The following NFXL1 variants were observed in gnomAD, a reference collection of about 807,000 sequenced individuals.
The protein encoded by NFXL1 is NF-X1-type zinc finger protein NFXL1.
In NFXL1, 66 loss-of-function variants were observed where a neutral mutation model predicts 123.3. The ratio of observed to expected loss-of-function variants is 0.54; its 90% CI spans 0.44 to 0.66. NFXL1 has a LOEUF of 0.66. Among genes scored for constraint, NFXL1 ranks in the 30% least tolerant of loss-of-function variants. NFXL1 has a pLI of 0.00. For missense variants in NFXL1, 944 were observed against 1,125.6 expected, an observed-to-expected ratio of 0.84 and a Z score of 2.31; for synonymous variants, 346 against 360.8, an observed-to-expected ratio of 0.96 and a Z score of 0.46.
At chr4:47,862,976 A>G (rs986104359) in intron 18 of NFXL1, 61 bp from the exon 19 acceptor site, 1 of 854,158 alleles carries the variant, frequency 1.2e-6, no homozygotes, top group African/African-American at 1.7e-5. Flanking sequence ...TAATTTTTCT[A>G]AAAATAACTC....
intron 5 of NFXL1, among the ~76,000 whole-genome samples, chr4:47,900,098 T>C (rs1166725105): frequency 6.6e-6 from 1 of 152,180 alleles, no homozygotes; most frequent in East Asian, 1.9e-4. Flanking sequence ...AGTCAGGGTA[T>C]AGACATGCAA....
intron 15 of NFXL1, among the ~76,000 whole-genome samples, chr4:47,883,233 T>A: frequency 6.6e-6 from 1 of 151,292 alleles, no homozygotes. Context: ...TGACGGAGAC[T>A]CCGTCTCAAA....
chr4:47,878,117 A>ACAT (rs1217557628), intron 17 of NFXL1, among the ~76,000 whole-genome samples: 1 of 152,100 alleles, frequency 6.6e-6, no homozygotes, highest in African/African-American at 2.4e-5. Flanking sequence ...AAAATTATGA[A>ACAT]CATCATCCAT....
At chr4:47,889,399 T>C (rs901703368) in intron 12 of NFXL1, among the ~76,000 whole-genome samples, 18 of 152,212 alleles carry the variant, frequency 1.2e-4, no homozygotes, top group South Asian at 6.2e-4. Flanking sequence ...GTAAATAGAA[T>C]CTGACACTTT....
chr4:47,874,625 G>C (rs1026698221), intron 18 of NFXL1, among the ~76,000 whole-genome samples: 6 of 152,122 alleles, frequency 3.9e-5, no homozygotes, highest in African/African-American at 1.4e-4. Context: ...AATATTGTGA[G>C]AATTATCGAA....
chr4:47,865,297 A>G (rs368005056), intron 18 of NFXL1, among the ~76,000 whole-genome samples: 1 of 152,216 alleles, frequency 6.6e-6, no homozygotes, highest in African/African-American at 2.4e-5. Flanking sequence ...ATATTAAAAC[A>G]TATACTTTAA....
Position 47,897,899 on chromosome 4 carries a change from C to T in NFXL1, c.1204+68G>A, listed in dbSNP as rs1737178579. The T allele has an allele frequency of 1.9e-5, 19 of 996,066 alleles. No individual in the cohort carries two copies. In the South Asian group the frequency reaches 2.9e-4, roughly 15 times the overall value. 61.7% of individuals were successfully genotyped at this position (996,066 alleles called of 1,614,324 possible). ...TGCACTTAAGTTTCCTGGAGGACGT[C>T]TTTTGAATGTCTTTTCATGGCTTGA... is the stretch of plus-strand genomic sequence containing the variant. On this transcript the variant is annotated intron_variant, in intron 9 of 22. Coordinates refer to ENST00000507489, the MANE Select transcript of NFXL1 (RefSeq NM_001278624.2).
intron 1 of NFXL1, 51 bp from the exon 2 acceptor site, chr4:47,914,256 G>C: frequency 7.4e-7 from 1 of 1,360,082 alleles, no homozygotes; most frequent in Non-Finnish European, 9.7e-7. Flanking sequence ...AGCGCAGCGA[G>C]GACCGAGGCG....
intron 12 of NFXL1, among the ~76,000 whole-genome samples, chr4:47,887,549 T>G (rs1411012292): frequency 6.6e-6 from 1 of 152,218 alleles, no homozygotes; most frequent in Non-Finnish European, 1.5e-5. Context: ...CAAGTTATCC[T>G]AACCCACATA....
At chr4:47,878,978 T>C in intron 16 of NFXL1, 118 bp downstream of exon 16, 1 of 676,658 alleles carries the variant, frequency 1.5e-6, no homozygotes, top group Non-Finnish European at 2.5e-6. Flanking sequence ...TTGTACTCTT[T>C]ATAACAGTAA....
chr4:47,851,242 A>C, intron 21 of NFXL1, 94 bp from the exon 22 acceptor site: 1 of 852,370 alleles, frequency 1.2e-6, no homozygotes. Flanking sequence ...ATTAACCCAT[A>C]TCAACTTTTA....
chr4:47,848,416 T>G, intron 22 of NFXL1, 80 bp from the exon 23 acceptor site: 1 of 1,130,294 alleles, frequency 8.8e-7, no homozygotes, highest in African/African-American at 1.6e-5. Context: ...AAAATCAATT[T>G]GGGTAATGTT....
Position 47,886,058 on chromosome 4 carries a change from G to T in NFXL1, c.1544-59C>A, listed in dbSNP as rs1578021803. The T allele has an allele frequency of 1.1e-5, 16 of 1,489,388 alleles. No homozygotes were observed. In the South Asian group the frequency reaches 1.4e-4, roughly 13 times the overall value. 92.3% of individuals were successfully genotyped at this position (1,489,388 alleles called of 1,614,324 possible). ...TTAACTACCCAAATGCCTATTAATG[G>T]TAAAATACATAAATTTAGTATATTC... is the stretch of plus-strand genomic sequence containing the variant. On this transcript the variant is annotated intron_variant, in intron 12 of 22. Transcript: ENST00000507489.
At chr4:47,886,141 T>C (rs1736416926) in intron 12 of NFXL1, 142 bp from the exon 13 acceptor site, 4 of 718,552 alleles carry the variant, frequency 5.6e-6, no homozygotes, top group Admixed American at 3.0e-5. Context: ...GAATGAATCT[T>C]ACCACAAAAC....
chr4:47,875,080 A>G, intron 18 of NFXL1, 47 bp downstream of exon 18: 1 of 1,295,326 alleles, frequency 7.7e-7, no homozygotes, highest in Non-Finnish European at 1.1e-6. Context: ...AAAGATACCA[A>G]TTCAACTAAT....
chr4:47,875,670 G>A (rs10938502), intron 17 of NFXL1, among the ~76,000 whole-genome samples: 52,648 of 151,910 alleles, frequency 0.35, 10,285 homozygotes, highest in Non-Finnish European at 0.44. Flanking sequence ...ATTTCTATAC[G>A]ATAATCAACA....
Position 47,914,041 on chromosome 4 carries a change from C to T in NFXL1, c.163G>A (p.Ala55Thr). ...VPSGTSPGGV[A>T]TTAAAGSRHS... Reference sequence around the variant, plus strand: ...CTGCTCCCTGCAGCCGCCGTGGTCGCGACTCCTCCGGGACTGGTGCCAGAA... The same window carrying T: ...CTGCTCCCTGCAGCCGCCGTGGTCGTGACTCCTCCGGGACTGGTGCCAGAA... Residue 55 changes from alanine to threonine, a missense_variant, in exon 2 of 23, where the codon GCG becomes ACG. Ala to Thr is a moderately conservative substitution (Grantham distance 58). This residue lies in a region of NFXL1 where 303 missense variants were observed against 292.1 expected (regional missense o/e 1.04). Coordinates refer to ENST00000507489, the MANE Select transcript of NFXL1 (RefSeq NM_001278624.2). 6.5e-7 allele frequency: 1 copy of T among 1,549,410 alleles called. No homozygotes were observed. The highest frequency in any genetic ancestry group is 1.2e-5 in the South Asian group (1 of 84,012).
intron 18 of NFXL1, among the ~76,000 whole-genome samples, chr4:47,871,160 C>T (rs1735402913): frequency 6.6e-6 from 1 of 152,082 alleles, no homozygotes. Context: ...ACCATCCTGG[C>T]TAACATGGTG....
chr4:47,863,616 A>G (rs1394166011), intron 18 of NFXL1, among the ~76,000 whole-genome samples: 3 of 152,198 alleles, frequency 2.0e-5, no homozygotes, highest in Admixed American at 6.5e-5. Context: ...CAGGAGGCGG[A>G]GGTTGCAGTG....
Sources: gnomAD v4.1 joint callset for allele counts (sites outside exome capture counted in the v4.1 genomes callset) on GRCh38, gnomAD v4.1.1 for gene constraint, gnomAD v4.1.1 regional missense constraint, MANE v1.5 for transcripts, NCBI Gene and HGNC (gene_info 2026-07-23, HGNC 2026-07-21) for gene names.